Variants in USP47 observed in about 807,000 individuals in gnomAD.
The protein encoded by USP47 is ubiquitin specific peptidase 47, also known as ubiquitin carboxyl-terminal hydrolase 47.
In USP47, 35 loss-of-function variants were observed where a neutral mutation model predicts 165.1. That is an observed-to-expected ratio of 0.21 (90% CI 0.16 to 0.28). The LOEUF is 0.28. Ranked by LOEUF, USP47 falls within the 10% of genes least tolerant of loss-of-function variation. The probability of loss-of-function intolerance (pLI) is 1.00; values close to 1 mark genes in which losing one functional copy is unlikely to be tolerated. For synonymous variants in USP47, 531 were observed against 544.5 expected (o/e 0.98, Z 0.35); for missense variants, 1,277 against 1,607.4 (o/e 0.79, Z 3.52).
At position 11,892,205 on chromosome 11, in the gene USP47, T is replaced by G. The variant is rs1851558997; in HGVS notation, c.496+99T>G. On this transcript the variant is annotated intron_variant, in intron 4 of 27. Transcript: ENST00000527733. ...CCTCTTATTTTATGGATAAGAAAAC[T>G]GAGACCTAGAGCAGGAGTACTAGCT... 7.4e-6 allele frequency: 10 copies of G among 1,347,492 alleles called. No homozygotes were observed. The South Asian group carries it at 1.3e-4, about 18-fold the overall frequency. 83.5% of individuals were successfully genotyped at this position (1,347,492 alleles called of 1,614,324 possible). A position where few individuals can be genotyped will look rare whatever the true frequency, so the allele number is the denominator to read the frequency against.
At chr11:11,844,036 A>G (rs1006646801) in intron 1 of USP47, among the ~76,000 whole-genome samples, 1 of 152,034 alleles carries the variant, frequency 6.6e-6, no homozygotes, top group Non-Finnish European at 1.5e-5. Context: ...CTAGCCAACT[A>G]GCTTTTTCTT....
At chr11:11,939,185 AG>A (rs1290422249) in intron 18 of USP47, among the ~76,000 whole-genome samples, 1 of 152,024 alleles carries the variant, frequency 6.6e-6, no homozygotes, top group Non-Finnish European at 1.5e-5. Flanking sequence ...CATCCTTACA[AG>A]GGTCCTGTAC....
In USP47 at chr11:11,955,170, A is replaced by G. The variant is rs1856481962; in HGVS notation, c.3893+6A>G. 1 of 1,608,062 alleles carries G rather than the reference A, an allele frequency of 6.2e-7. No individual in the cohort carries two copies. The highest frequency in any genetic ancestry group is 8.5e-7 in the Non-Finnish European group (1 of 1,178,178). On this transcript the variant is annotated splice_donor_region_variant and intron_variant, in intron 27 of 27. Transcript: ENST00000527733. ...GGTGCGGTCATATTTTATAGGTAACATTCACAATGTTTTTGTTGCTGTTAG... is the reference window on the plus strand; with the variant it reads ...GGTGCGGTCATATTTTATAGGTAACGTTCACAATGTTTTTGTTGCTGTTAG...
intron 12 of USP47, 112 bp downstream of exon 12, chr11:11,929,677 G>A (rs1854508084): frequency 2.8e-6 from 4 of 1,403,764 alleles, no homozygotes; most frequent in Non-Finnish European, 3.8e-6. Flanking sequence ...TACATCTTAA[G>A]ACCCATATCA....
rs1300802562 is a variant in USP47, at chr11:11,892,380, C to CTTTT, written c.496+290_496+293dup. On this transcript the variant is annotated intron_variant, in intron 4 of 27. Coordinates refer to ENST00000527733, the MANE Select transcript of USP47 (RefSeq NM_001282659.2). ...AGACTTTTCTTTTCTTTTTAATTTT[C>CTTTT]TTTTTTTTTTTTTTTTTTTGAGACA... Among the ~76,000 whole-genome samples, 86 of 121,102 alleles carry CTTTT rather than the reference C, an allele frequency of 7.1e-4. 11 individuals carry two copies. Among genetic ancestry groups the CTTTT allele is most frequent in the South Asian group, 1.1e-3 (4 of 3,724 alleles). The allele number at this position is 121,102 out of a possible 152,430, so 79.4% of individuals were successfully genotyped here.
rs1229834051 is a variant in USP47 at position 11,943,075 on chromosome 11, T to G, written c.3054T>G (p.Pro1018=). ...AGTACATGTATTTCAAAGCTGAACC[T>G]TATGCTGCAGATGAAGGTTCTGGGG... ...EMQYMYFKAE[P]YAADEGSGEG... is the part of the protein sequence containing the mutation. Residue 1018 remains proline (P), a synonymous_variant, in exon 20 of 28, where the codon CCT becomes CCG. Coordinates refer to ENST00000527733, the MANE Select transcript of USP47 (RefSeq NM_001282659.2). 13 of 1,612,944 alleles carry G rather than the reference T, an allele frequency of 8.1e-6. No homozygotes were observed. The highest frequency in any genetic ancestry group is 2.2e-5 in the East Asian group (1 of 44,870).
Position 11,924,797 on chromosome 11 carries a change from A to T in USP47, c.1386+1906A>T, listed in dbSNP as rs192615227. 1.5e-4 allele frequency among the ~76,000 whole-genome samples: 23 copies of T among 151,990 alleles called. 1 individual carries two copies. The East Asian group carries it at 4.4e-3, about 29-fold the overall frequency. On this transcript the variant is annotated intron_variant, in intron 11 of 27. Coordinates refer to ENST00000527733, the MANE Select transcript of USP47 (RefSeq NM_001282659.2). ...TTAATTGTCCTTTAATGTCCTTTTA[A>T]TGCAGGGATGAACCTTCTTTCATTT...
intron 3 of USP47, among the ~76,000 whole-genome samples, chr11:11,886,346 C>A (rs775403458): frequency 1.3e-5 from 2 of 152,030 alleles, no homozygotes; most frequent in African/African-American, 4.8e-5. Flanking sequence ...AGCTAAGAAT[C>A]GTGATAATAC....
chr11:11,932,964 T>G, intron 14 of USP47, 40 bp from the exon 15 acceptor site: 1 of 1,525,310 alleles, frequency 6.6e-7, no homozygotes, highest in South Asian at 1.2e-5. Flanking sequence ...GGCAGCTCAG[T>G]TTCAGTGACA....
At chr11:11,874,761 G>A (rs1850282509) in intron 1 of USP47, among the ~76,000 whole-genome samples, 1 of 152,112 alleles carries the variant, frequency 6.6e-6, no homozygotes, top group Non-Finnish European at 1.5e-5. Context: ...GTTTTGCCAT[G>A]TTGGCCAGGC....
intron 1 of USP47, 100 bp downstream of exon 1, chr11:11,842,324 C>A: frequency 7.2e-7 from 1 of 1,386,134 alleles, no homozygotes. Flanking sequence ...GGGGTGCAGG[C>A]TCGGCTGTGG....
chr11:11,851,524 G>A (rs377374529), intron 1 of USP47, among the ~76,000 whole-genome samples: 101 of 152,174 alleles, frequency 6.6e-4, no homozygotes, highest in African/African-American at 2.4e-3. Flanking sequence ...CAAAGTTTCC[G>A]TATACCCTTC....
intron 4 of USP47, among the ~76,000 whole-genome samples, chr11:11,895,259 T>A (rs899224780): frequency 1.3e-5 from 2 of 152,164 alleles, no homozygotes; most frequent in Non-Finnish European, 2.9e-5. Flanking sequence ...ATCATAGTCT[T>A]TGTTCGCATT....
intron 19 of USP47, 92 bp downstream of exon 19, chr11:11,940,640 T>A: frequency 3.0e-6 from 4 of 1,344,880 alleles, no homozygotes; most frequent in Non-Finnish European, 4.1e-6. Flanking sequence ...CCACAGCTGT[T>A]CAACATCTGT....
chr11:11,875,607 T>C (rs893181159), intron 1 of USP47, among the ~76,000 whole-genome samples: 17 of 152,216 alleles, frequency 1.1e-4, no homozygotes, highest in African/African-American at 3.9e-4. Context: ...TTATTCTTTC[T>C]ACTTTTTTTT....
At position 11,942,854 on chromosome 11, in the gene USP47, A is replaced by C; in HGVS notation, c.2833A>C (p.Ser945Arg). 1.2e-6 allele frequency: 2 copies of C among 1,613,764 alleles called. No homozygotes were observed. The highest frequency in any genetic ancestry group is 1.7e-6 in the Non-Finnish European group (2 of 1,179,778). ...AGTGGACAGTGATATTCTTAGCTCC[A>C]GTCATAGCAGTGATACTTTGTGCAA... Reference protein sequence around the residue: ...SSVDSDILSSSHSSDTLCNAD... With the variant: ...SSVDSDILSSRHSSDTLCNAD... The change falls in exon 20 of 28, where the codon AGT (serine) becomes CGT (arginine). Residue 945 changes from serine to arginine, a missense_variant. By Grantham distance (110) the Ser-to-Arg change is moderately radical. Transcript: ENST00000527733.
Position 11,867,551 on chromosome 11 carries a change from C to T in USP47, c.40-12626C>T, listed in dbSNP as rs528880970. The stretch of plus-strand genomic sequence containing the variant: ...ATTTTCTAGGAATTCTGCTCAGACT[C>T]AATTTTGAACCACTTTTTTATTTCT... On this transcript the variant is annotated intron_variant, in intron 1 of 27. Coordinates refer to ENST00000527733, the MANE Select transcript of USP47 (RefSeq NM_001282659.2). 1.2e-4 allele frequency among the ~76,000 whole-genome samples: 19 copies of T among 152,184 alleles called. No homozygotes were observed. In the South Asian group the frequency reaches 3.9e-3, roughly 32 times the overall value.
At chr11:11,899,090 C>T (rs537954102) in intron 5 of USP47, among the ~76,000 whole-genome samples, 44 of 152,090 alleles carry the variant, frequency 2.9e-4, no homozygotes, top group Non-Finnish European at 5.3e-4. Context: ...TGTGCACTAG[C>T]GGATGCCAAT....
At chr11:11,929,960 T>G in intron 12 of USP47, 84 bp from the exon 13 acceptor site, 1 of 1,124,614 alleles carries the variant, frequency 8.9e-7, no homozygotes, top group Non-Finnish European at 1.3e-6. Flanking sequence ...CATTTAACTC[T>G]GAGGCTAAAG....
Sources: gnomAD v4.1 joint callset for allele counts (sites outside exome capture counted in the v4.1 genomes callset) on GRCh38, gnomAD v4.1.1 for gene constraint, MANE v1.5 for transcripts, NCBI Gene and HGNC (gene_info 2026-07-23, HGNC 2026-07-21) for gene names.